ROBO2: variants seen among roughly 807,000 people sequenced by gnomAD.
ROBO2 encodes the protein roundabout homolog 2.
A neutral mutation model predicts 160.8 loss-of-function variants in ROBO2; 53 were observed. That is an observed-to-expected ratio of 0.33 (90% CI 0.26 to 0.41). The LOEUF (loss-of-function observed/expected upper bound fraction) is 0.41, where lower values mean the gene tolerates loss of function less well. ROBO2 is among the 10% of genes least tolerant of loss of function. The pLI is 1.00. For missense variants in ROBO2, 1,577 were observed against 1,722.4 expected (o/e 0.92, Z 1.49); for synonymous variants, 664 against 611.7 (o/e 1.09, Z -1.26).
intron 2 of ROBO2, among the ~76,000 whole-genome samples, chr3:76,515,472 T>C (rs752036962): frequency 7.9e-5 from 12 of 151,778 alleles, no homozygotes; most frequent in Middle Eastern, 3.4e-3. Flanking sequence ...TTGGAACTTA[T>C]CATTATTTCT....
rs987292048 is a variant in ROBO2, at chr3:76,983,286, C to CA, written c.110-114718dup. On this transcript the variant is annotated intron_variant, in intron 2 of 26. Coordinates refer to the ROBO2 transcript ENST00000487694. ...TGGGTGACAGAGTGAGACTCCGTCT[C>CA]AAAAAAAAAATTATAAAGTGTACAT... is the stretch of plus-strand genomic sequence containing the variant. Among the ~76,000 whole-genome samples, 650 of 145,604 alleles carry CA rather than the reference C, an allele frequency of 4.5e-3. 6 individuals carry two copies. The highest frequency in any genetic ancestry group is 0.015 in the African/African-American group (574 of 39,570).
At chr3:75,990,821 ATTAT>A (rs936527041) in intron 2 of ROBO2, among the ~76,000 whole-genome samples, 1 of 152,176 alleles carries the variant, frequency 6.6e-6, no homozygotes, top group African/African-American at 2.4e-5. Flanking sequence ...CTGCTAAGAC[ATTAT>A]TTATGAGTGT....
At chr3:75,931,706 A>G (rs1454262139) in intron 1 of ROBO2, among the ~76,000 whole-genome samples, 1 of 152,134 alleles carries the variant, frequency 6.6e-6, no homozygotes, top group Non-Finnish European at 1.5e-5. Context: ...CATAATCTGA[A>G]TTAAGATTAT....
chr3:76,440,425 G>C (rs1267983869), intron 2 of ROBO2, among the ~76,000 whole-genome samples: 1 of 151,196 alleles, frequency 6.6e-6, no homozygotes, highest in Admixed American at 6.6e-5. Flanking sequence ...AACAGACCCC[G>C]GTGTGTGATG....
chr3:77,227,362 A>T lies in ROBO2; in HGVS notation c.388+129022A>T, dbSNP rs184868058. Among the ~76,000 whole-genome samples, 9 of 152,300 alleles carry T rather than the reference A, an allele frequency of 5.9e-5. No homozygotes were observed. The East Asian group carries it at 1.4e-3, about 23-fold the overall frequency. ...TTTTACCTCCAATTCCATTTAGAAC[A>T]ATTAAGAAAAATACCTTCAACTATA... On this transcript the variant is annotated intron_variant, in intron 2 of 25. Transcript: ENST00000461745.
intron 2 of ROBO2, among the ~76,000 whole-genome samples, chr3:77,373,238 A>G (rs1013678276): frequency 6.7e-6 from 1 of 149,708 alleles, no homozygotes; most frequent in African/African-American, 2.4e-5. Context: ...AAATAAAGCA[A>G]GACATGTGGA....
chr3:77,639,125 C>A (rs749656586), intron 24 of ROBO2, among the ~76,000 whole-genome samples: 1 of 151,994 alleles, frequency 6.6e-6, no homozygotes, highest in South Asian at 2.1e-4. Flanking sequence ...CCACCATGCC[C>A]GGCCCCTTTC....
At chr3:76,619,411 G>A (rs544203807) in intron 2 of ROBO2, among the ~76,000 whole-genome samples, 4 of 151,794 alleles carry the variant, frequency 2.6e-5, no homozygotes, top group African/African-American at 9.7e-5. Flanking sequence ...AATTGCCATG[G>A]AGCAATTTCT....
chr3:76,880,792 A>G (rs2073258945), intron 2 of ROBO2, among the ~76,000 whole-genome samples: 1 of 152,334 alleles, frequency 6.6e-6, no homozygotes, highest in African/African-American at 2.4e-5. Context: ...AGTGAATTTA[A>G]AAGAATATGC....
intron 2 of ROBO2, among the ~76,000 whole-genome samples, chr3:77,199,708 A>C (rs1273568767): frequency 1.4e-5 from 2 of 143,940 alleles, no homozygotes; most frequent in African/African-American, 2.6e-5. Flanking sequence ...ACTGCACCTC[A>C]GCCTCCTGTG....
intron 2 of ROBO2, among the ~76,000 whole-genome samples, chr3:77,264,712 T>C (rs2059015131): frequency 6.6e-6 from 1 of 152,160 alleles, no homozygotes; most frequent in South Asian, 2.1e-4. Flanking sequence ...TTCTACCATA[T>C]AGATACATAT....
At chr3:77,502,023 T>C (rs542405053) in intron 5 of ROBO2, among the ~76,000 whole-genome samples, 1 of 152,304 alleles carries the variant, frequency 6.6e-6, no homozygotes, top group African/African-American at 2.4e-5. Context: ...CTAAGCATTT[T>C]ACAATAGTGC....
At chr3:77,188,597 T>G in intron 2 of ROBO2, among the ~76,000 whole-genome samples, 1 of 151,904 alleles carries the variant, frequency 6.6e-6, no homozygotes, top group East Asian at 1.9e-4. Flanking sequence ...CCAGTAAAAG[T>G]AAATGTCTAG....
At chr3:77,486,702 C>T (rs942258140) in intron 4 of ROBO2, among the ~76,000 whole-genome samples, 2 of 152,084 alleles carry the variant, frequency 1.3e-5, no homozygotes, top group Admixed American at 6.6e-5. Flanking sequence ...TATTTTCTCC[C>T]GTTGTGTAGG....
intron 2 of ROBO2, among the ~76,000 whole-genome samples, chr3:76,151,603 A>G (rs1348544358): frequency 2.0e-5 from 3 of 152,154 alleles, no homozygotes; most frequent in African/African-American, 7.2e-5. Flanking sequence ...TGCTTTATAT[A>G]GTTGAAAATT....
Position 77,322,813 on chromosome 3 carries a change from C to A in ROBO2, c.389-154601C>A, listed in dbSNP as rs540282413. 6.5e-5 allele frequency among the ~76,000 whole-genome samples: 8 copies of A among 122,822 alleles called. No individual in the cohort carries two copies. The South Asian group carries it at 1.9e-3, about 29-fold the overall frequency. 80.6% of individuals were successfully genotyped at this position (122,822 alleles called of 152,430 possible). Reference sequence around the variant, plus strand: ...ATATTATGTAATATATTATATTATACATATGTATTATAATATATTATGTAA... The same window carrying A: ...ATATTATGTAATATATTATATTATAAATATGTATTATAATATATTATGTAA... On this transcript the variant is annotated intron_variant, in intron 2 of 25. Transcript: ENST00000461745.
chr3:77,074,058 T>C (rs2067689130), intron 1 of ROBO2, among the ~76,000 whole-genome samples: 1 of 152,242 alleles, frequency 6.6e-6, no homozygotes, highest in Admixed American at 6.5e-5. Flanking sequence ...ACATCCTGAA[T>C]GTACAAATGA....
intron 4 of ROBO2, among the ~76,000 whole-genome samples, chr3:77,482,242 A>G (rs945998004): frequency 1.3e-5 from 2 of 152,094 alleles, no homozygotes; most frequent in East Asian, 1.9e-4. Flanking sequence ...ATAATCCTCT[A>G]CTTCTGTGCA....
chr3:77,630,067 A>G (rs986206469), intron 23 of ROBO2: 2 of 152,186 alleles, frequency 1.3e-5, no homozygotes, highest in Non-Finnish European at 2.9e-5. Context: ...TCATGGTGAT[A>G]ACAGAAATGG....
Sources: allele counts gnomAD v4.1 joint callset (sites outside exome capture counted in the v4.1 genomes callset), GRCh38; gene constraint gnomAD v4.1.1; transcripts MANE v1.5; gene names NCBI Gene and HGNC (gene_info 2026-07-23, HGNC 2026-07-21).